Variants in ZBTB20 observed in about 807,000 individuals in gnomAD.
The protein encoded by ZBTB20 is zinc finger and BTB domain containing 20.
ZBTB20 carries 9 observed loss-of-function variants against 56.9 expected under a neutral mutation model. The observed-to-expected ratio is 0.16, with a 90% confidence interval of 0.10 to 0.28. The LOEUF (loss-of-function observed/expected upper bound fraction) is 0.28, where lower values mean the gene tolerates loss of function less well. Among genes scored for constraint, ZBTB20 ranks in the 10% least tolerant of loss-of-function variants. The pLI is 1.00. For missense variants in ZBTB20, 655 were observed against 1,003.0 expected (o/e 0.65, Z 4.69); for synonymous variants, 417 against 420.7 (o/e 0.99, Z 0.11).
intron 2 of ZBTB20, among the ~76,000 whole-genome samples, chr3:114,993,676 G>T (rs2078912451): frequency 1.3e-5 from 2 of 151,684 alleles, no homozygotes; most frequent in African/African-American, 4.8e-5. Context: ...AGTCAAAGAA[G>T]AAATCATAAT....
At chr3:115,124,895 T>C (rs1384684712) in intron 1 of ZBTB20, among the ~76,000 whole-genome samples, 2 of 151,996 alleles carry the variant, frequency 1.3e-5, no homozygotes. Flanking sequence ...TATGAGAACA[T>C]AAAAATTAAG....
chr3:115,040,907 A>T (rs183938646), intron 2 of ZBTB20, among the ~76,000 whole-genome samples: 1 of 152,246 alleles, frequency 6.6e-6, no homozygotes, highest in Admixed American at 6.5e-5. Flanking sequence ...ATTCTTCATA[A>T]TATCAGTTAC....
intron 10 of ZBTB20, among the ~76,000 whole-genome samples, chr3:114,368,960 T>C (rs1256746365): frequency 3.9e-5 from 6 of 152,226 alleles, no homozygotes; most frequent in Non-Finnish European, 8.8e-5. Context: ...CCTGAGAAAA[T>C]GACATGTATC....
chr3:114,347,064 T>A (rs2080245048), intron 11 of ZBTB20, among the ~76,000 whole-genome samples: 3 of 144,772 alleles, frequency 2.1e-5, no homozygotes, highest in Admixed American at 1.4e-4. Context: ...ATCTTATAAT[T>A]TATTCTCTTC....
At chr3:114,781,805 G>A (rs1005081497) in intron 5 of ZBTB20, among the ~76,000 whole-genome samples, 2 of 152,170 alleles carry the variant, frequency 1.3e-5, no homozygotes, top group African/African-American at 4.8e-5. Context: ...AGTCTCATGA[G>A]ATCTGGTGAT....
chr3:115,131,568 G>A (rs903436777), intron 1 of ZBTB20, among the ~76,000 whole-genome samples: 1 of 151,806 alleles, frequency 6.6e-6, no homozygotes, highest in African/African-American at 2.4e-5. Context: ...ACAACAACCT[G>A]GAAACCAAAA....
At chr3:114,508,906 C>T (rs1410505485) in intron 6 of ZBTB20, among the ~76,000 whole-genome samples, 1 of 152,010 alleles carries the variant, frequency 6.6e-6, no homozygotes, top group Non-Finnish European at 1.5e-5. Context: ...GGTCTAAGAC[C>T]TTTCAAAAGA....
In ZBTB20 at chr3:114,440,922, A is replaced by C. The variant is rs552573008; in HGVS notation, c.-254-51817T>G. Reference sequence around the variant, plus strand: ...CTCTACATTAGGGCTGTCCTCTCTGAGTCCCTGACCTTAGATGGTCTTTCT... The same window carrying C: ...CTCTACATTAGGGCTGTCCTCTCTGCGTCCCTGACCTTAGATGGTCTTTCT... On this transcript the variant is annotated intron_variant, in intron 7 of 11. Transcript: ENST00000675478. Among the ~76,000 whole-genome samples the C allele has an allele frequency of 2.6e-5, 4 of 152,304 alleles. No homozygotes were observed. In the East Asian group the frequency reaches 7.7e-4, roughly 29 times the overall value.
chr3:114,730,049 T>C (rs1209970424), intron 5 of ZBTB20, among the ~76,000 whole-genome samples: 1 of 151,400 alleles, frequency 6.6e-6, no homozygotes. Context: ...CCTCCCTCCT[T>C]GGCCTCCCAA....
At chr3:115,134,186 T>C (rs753087881) in intron 1 of ZBTB20, among the ~76,000 whole-genome samples, 6 of 152,256 alleles carry the variant, frequency 3.9e-5, no homozygotes, top group Non-Finnish European at 7.3e-5. Flanking sequence ...CTAATTTTCA[T>C]TGGCTTTTAC....
At chr3:115,134,757 T>C (rs2084609288) in intron 1 of ZBTB20, among the ~76,000 whole-genome samples, 1 of 152,212 alleles carries the variant, frequency 6.6e-6, no homozygotes, top group East Asian at 1.9e-4. Flanking sequence ...CCTCTCTCAC[T>C]TGCTATGGGT....
chr3:114,813,343 A>G (rs903111131), intron 4 of ZBTB20, among the ~76,000 whole-genome samples: 49 of 152,240 alleles, frequency 3.2e-4, no homozygotes, highest in African/African-American at 1.2e-3. Flanking sequence ...TTCCTGTGGA[A>G]TGGTATTTTT....
At chr3:114,566,782 C>A (rs900166901) in intron 6 of ZBTB20, among the ~76,000 whole-genome samples, 3 of 152,190 alleles carry the variant, frequency 2.0e-5, no homozygotes, top group Admixed American at 6.5e-5. Context: ...CAAAATGTAT[C>A]ACTTTAATGT....
intron 4 of ZBTB20, among the ~76,000 whole-genome samples, chr3:114,886,630 T>C (rs999871913): frequency 3.9e-5 from 6 of 152,212 alleles, no homozygotes; most frequent in African/African-American, 1.4e-4. Flanking sequence ...ATGATACCAA[T>C]GTCAGTTTTT....
chr3:114,875,055 T>C (rs1024282713), intron 4 of ZBTB20, among the ~76,000 whole-genome samples: 1 of 152,092 alleles, frequency 6.6e-6, no homozygotes, highest in Non-Finnish European at 1.5e-5. Context: ...CCCCTTGCTA[T>C]CTTGTCTACT....
At chr3:115,000,511 T>C (rs2079203288) in intron 2 of ZBTB20, among the ~76,000 whole-genome samples, 1 of 151,566 alleles carries the variant, frequency 6.6e-6, no homozygotes. Context: ...AACTTACCAA[T>C]ACCCTTTCAC....
At chr3:114,658,859 C>T (rs909120592) in intron 6 of ZBTB20, 1 of 152,164 alleles carries the variant, frequency 6.6e-6, no homozygotes, top group African/African-American at 2.4e-5. Flanking sequence ...GACCAATTAT[C>T]CTGGCAAATT....
intron 7 of ZBTB20, among the ~76,000 whole-genome samples, chr3:114,429,317 T>C (rs759170598): frequency 2.0e-5 from 3 of 152,208 alleles, no homozygotes; most frequent in Non-Finnish European, 1.5e-5. Context: ...CAAATCATAA[T>C]CATTAATTTT....
chr3:114,979,254 T>C (rs2078234042), intron 2 of ZBTB20, among the ~76,000 whole-genome samples: 1 of 151,960 alleles, frequency 6.6e-6, no homozygotes, highest in African/African-American at 2.4e-5. Flanking sequence ...AGATGAAATG[T>C]TCATCGATTT....
Sources: gnomAD v4.1 joint callset for allele counts (sites outside exome capture counted in the v4.1 genomes callset) on GRCh38, gnomAD v4.1.1 for gene constraint, MANE v1.5 for transcripts, NCBI Gene and HGNC (gene_info 2026-07-23, HGNC 2026-07-21) for gene names.